PIK3R3: variants seen among roughly 807,000 people sequenced by gnomAD.
PIK3R3 encodes the protein phosphatidylinositol 3-kinase regulatory subunit gamma.
PIK3R3 carries 64 observed loss-of-function variants against 62.9 expected under a neutral mutation model. The ratio of observed to expected loss-of-function variants is 1.02; its 90% CI spans 0.83 to 1.25. The LOEUF is 1.25. Among genes scored for constraint, PIK3R3 ranks in the 50% most tolerant of loss-of-function variants. The probability of loss-of-function intolerance (pLI) is 0.00; values close to 1 mark genes in which losing one functional copy is unlikely to be tolerated. For synonymous variants in PIK3R3, 165 were observed against 189.0 expected (o/e 0.87, Z 1.04); for missense variants, 614 against 561.6 (o/e 1.09, Z -0.94).
At chr1:46,064,584 C>T (rs1273351579) in intron 5 of PIK3R3, among the ~76,000 whole-genome samples, 6 of 151,880 alleles carry the variant, frequency 4.0e-5, no homozygotes, top group Non-Finnish European at 7.4e-5. Flanking sequence ...CAATAAATGT[C>T]AAAAGAATAT....
At chr1:46,099,053 G>A (rs979911694) in intron 1 of PIK3R3, among the ~76,000 whole-genome samples, 5 of 151,978 alleles carry the variant, frequency 3.3e-5, no homozygotes, top group Non-Finnish European at 5.9e-5. Flanking sequence ...AGAATGTTCT[G>A]GAATAAGATA....
chr1:46,146,686 TACACACACAC>T, the PIK3R3 span, among the ~76,000 whole-genome samples: 1,876 of 92,748 alleles, frequency 0.02, 66 homozygotes, highest in Middle Eastern at 0.036. Context: ...CCTCCAACTC[TACACACACAC>T]ACACACACAC....
chr1:46,118,707 C>G (rs147242011), intron 1 of PIK3R3, among the ~76,000 whole-genome samples: 4 of 152,038 alleles, frequency 2.6e-5, no homozygotes, highest in South Asian at 4.2e-4. Flanking sequence ...AGGCGCCCAC[C>G]ACCACACCCA....
chr1:46,059,441 C>T (rs1648256923), intron 6 of PIK3R3, among the ~76,000 whole-genome samples: 1 of 152,240 alleles, frequency 6.6e-6, no homozygotes, highest in Admixed American at 6.5e-5. Flanking sequence ...TTTTCCAACA[C>T]ACAACGTTTT....
At chr1:46,075,641 T>G (rs1021786718) in intron 3 of PIK3R3, among the ~76,000 whole-genome samples, 1 of 151,810 alleles carries the variant, frequency 6.6e-6, no homozygotes, top group Non-Finnish European at 1.5e-5. Flanking sequence ...AAAAATTACC[T>G]TCCTCTAGAA....
intron 4 of PIK3R3, 145 bp downstream of exon 4, chr1:46,066,765 TG>T: frequency 1.4e-6 from 1 of 708,504 alleles, no homozygotes; most frequent in Non-Finnish European, 2.4e-6. Context: ...CAATCCAGCC[TG>T]GGCAACAGAG....
chr1:46,069,389 G>A (rs1275024481), intron 3 of PIK3R3, among the ~76,000 whole-genome samples: 1 of 151,872 alleles, frequency 6.6e-6, no homozygotes, highest in Non-Finnish European at 1.5e-5. Context: ...CGTGGTGGAG[G>A]GCACCTGTAA....
the PIK3R3 span, among the ~76,000 whole-genome samples, chr1:46,164,414 A>C: frequency 1.3e-5 from 2 of 151,640 alleles, no homozygotes; most frequent in Non-Finnish European, 3.0e-5. Context: ...CTCTCCCCTG[A>C]GGCATTACCA....
chr1:46,127,010 A>G (rs1655150983), intron 1 of PIK3R3, among the ~76,000 whole-genome samples: 1 of 151,930 alleles, frequency 6.6e-6, no homozygotes, highest in African/African-American at 2.4e-5. Context: ...TTCATTTTCT[A>G]ATTATCTAAG....
intron 5 of PIK3R3, 29 bp from the exon 6 acceptor site, chr1:46,062,100 G>T (rs750330811): frequency 1.3e-6 from 2 of 1,562,302 alleles, no homozygotes; most frequent in Non-Finnish European, 1.7e-6. Context: ...AAAAACACAG[G>T]CTTCATTATC....
chr1:46,110,274 GCT>G (rs1491343333), intron 1 of PIK3R3, among the ~76,000 whole-genome samples: 2 of 127,058 alleles, frequency 1.6e-5, no homozygotes, highest in Admixed American at 9.0e-5. Context: ...ACCAGGCTTG[GCT>G]TTTTTTTTTT....
the PIK3R3 span, among the ~76,000 whole-genome samples, chr1:46,167,984 T>A: frequency 6.6e-6 from 1 of 151,974 alleles, no homozygotes; most frequent in Non-Finnish European, 1.5e-5. Context: ...GGTGAAACCC[T>A]GTCTCTACTA....
At chr1:46,103,296 G>A (rs898021726) in intron 1 of PIK3R3, among the ~76,000 whole-genome samples, 1 of 152,074 alleles carries the variant, frequency 6.6e-6, no homozygotes, top group Admixed American at 6.6e-5. Flanking sequence ...TGGTTATGAT[G>A]GGCCAGGCAC....
rs1646986173 is a variant in PIK3R3 at position 46,041,004 on chromosome 1, T to C, written c.*2669A>G. The C allele has an allele frequency of 6.0e-6, 1 of 167,210 alleles. No homozygotes were observed. Among genetic ancestry groups the C allele is most frequent in the African/African-American group, 2.4e-5 (1 of 41,908 alleles). The allele number at this position is 167,210 out of a possible 1,614,324, so 10.4% of individuals were successfully genotyped here. ...CAGCCCCAAGCTGCTTGCATGTCAG[T>C]AGCTGGGTTCTCTAGCCAGGGGTAT... is the stretch of plus-strand genomic sequence containing the variant. On this transcript the variant is annotated 3_prime_UTR_variant, in exon 10 of 10. Coordinates refer to ENST00000262741, the MANE Select transcript of PIK3R3 (RefSeq NM_003629.4).
At chr1:46,116,309 G>C (rs867391075) in intron 1 of PIK3R3, among the ~76,000 whole-genome samples, 5 of 151,952 alleles carry the variant, frequency 3.3e-5, no homozygotes, top group Non-Finnish European at 7.4e-5. Flanking sequence ...ACAGGAGTTT[G>C]AGACCATCCT....
At chr1:46,069,357 T>TA (rs1649287723) in intron 3 of PIK3R3, among the ~76,000 whole-genome samples, 2 of 151,856 alleles carry the variant, frequency 1.3e-5, no homozygotes, top group South Asian at 4.2e-4. Context: ...CCGTCTCTAC[T>TA]AAAATACAAA....
At chr1:46,081,005 CA>C (rs1650533568) in intron 1 of PIK3R3, among the ~76,000 whole-genome samples, 1 of 152,114 alleles carries the variant, frequency 6.6e-6, no homozygotes, top group South Asian at 2.1e-4. Context: ...TCACATCTCT[CA>C]AAAGACAACA....
At chr1:46,108,995 T>C (rs867514512) in intron 1 of PIK3R3, among the ~76,000 whole-genome samples, 1 of 152,072 alleles carries the variant, frequency 6.6e-6, no homozygotes, top group Non-Finnish European at 1.5e-5. Flanking sequence ...GTGTCTCTAC[T>C]AAAAATACAA....
In PIK3R3 at chr1:46,043,433, C is replaced by CA. The variant is rs895327356; in HGVS notation, c.*239dup. On this transcript the variant is annotated 3_prime_UTR_variant, in exon 10 of 10. Coordinates refer to ENST00000262741, the MANE Select transcript of PIK3R3 (RefSeq NM_003629.4). ...CAAAAACCCCAATGAAACAGACTTT[C>CA]AAAAAAAACATCTGCTTCCAGCTTA... 7.4e-5 allele frequency: 38 copies of CA among 513,654 alleles called. No homozygotes were observed. The highest frequency in any genetic ancestry group is 1.3e-4 in the Admixed American group (4 of 30,628). 31.8% of individuals were successfully genotyped at this position (513,654 alleles called of 1,614,324 possible). A position where few individuals can be genotyped will look rare whatever the true frequency, so the allele number is the denominator to read the frequency against.
Sources: gnomAD v4.1 joint callset for allele counts (sites outside exome capture counted in the v4.1 genomes callset) on GRCh38, gnomAD v4.1.1 for gene constraint, MANE v1.5 for transcripts, NCBI Gene and HGNC (gene_info 2026-07-23, HGNC 2026-07-21) for gene names.